The following ATG4A variants were observed in gnomAD, a reference collection of about 807,000 sequenced individuals.
The protein encoded by ATG4A is autophagy related 4A cysteine peptidase.
A neutral mutation model predicts 38.4 loss-of-function variants in ATG4A; 22 were observed. That is an observed-to-expected ratio of 0.57 (90% CI 0.41 to 0.82). The LOEUF (loss-of-function observed/expected upper bound fraction) is 0.82, where lower values mean the gene tolerates loss of function less well. Among genes scored for constraint, ATG4A ranks in the 40% least tolerant of loss-of-function variants. The probability of loss-of-function intolerance (pLI) is 0.00; values close to 1 mark genes in which losing one functional copy is unlikely to be tolerated. For missense variants in ATG4A, 220 were observed against 290.0 expected, an observed-to-expected ratio of 0.76 and a Z score of 1.75; for synonymous variants, 86 against 100.7, an observed-to-expected ratio of 0.85 and a Z score of 0.88.
chrX:108,094,367 C>T (rs896088300), intron 1 of ATG4A, among the ~76,000 whole-genome samples: 2 of 110,736 alleles, frequency 1.8e-5, no homozygotes, highest in Admixed American at 1.9e-4. Context: ...TATGTCACAA[C>T]TAATAAGCCC....
At chrX:108,131,519 A>G (rs927259963) in intron 4 of ATG4A, among the ~76,000 whole-genome samples, 161 bp downstream of exon 4, 3 of 112,182 alleles carry the variant, frequency 2.7e-5, no homozygotes, top group African/African-American at 9.7e-5. Flanking sequence ...CAAGTCAACA[A>G]AGCCCCTCAT....
chrX:108,095,865 C>T (rs2031802619), intron 1 of ATG4A, among the ~76,000 whole-genome samples: 1 of 110,122 alleles, frequency 9.1e-6, no homozygotes, highest in Non-Finnish European at 1.9e-5. Flanking sequence ...CATGTACCTC[C>T]GTGCCGGCTA....
intron 8 of ATG4A, 27 bp downstream of exon 8, chrX:108,138,018 T>C (rs1033606115): frequency 1.7e-6 from 2 of 1,200,790 alleles, no homozygotes; most frequent in Non-Finnish European, 1.1e-6. Flanking sequence ...CCTGAGCCCA[T>C]TGCTGCCTGC....
At chrX:108,144,530 C>A (rs1276791025) in intron 9 of ATG4A, among the ~76,000 whole-genome samples, 1 of 111,931 alleles carries the variant, frequency 8.9e-6, no homozygotes, top group African/African-American at 3.3e-5. Context: ...CCGTGTGTAA[C>A]CTCCATCCCT....
intron 9 of ATG4A, among the ~76,000 whole-genome samples, chrX:108,149,464 C>G: frequency 8.9e-6 from 1 of 112,858 alleles, no homozygotes; most frequent in Non-Finnish European, 1.9e-5. Flanking sequence ...TAGCTTATAT[C>G]TCTTGTGTCA....
At chrX:108,134,448 G>A (rs1442292103) in intron 6 of ATG4A, 37 bp downstream of exon 6, 2 of 1,144,696 alleles carry the variant, frequency 1.7e-6, no homozygotes, top group Non-Finnish European at 2.4e-6. Context: ...TTATTCTGCT[G>A]TCTCCTATGC....
chrX:108,094,383 G>C (rs1489979052), intron 1 of ATG4A, among the ~76,000 whole-genome samples: 1 of 109,948 alleles, frequency 9.1e-6, no homozygotes, highest in Non-Finnish European at 1.9e-5. Flanking sequence ...AGCCCACAGT[G>C]GTATATTGCT....
At chrX:108,110,201 C>CAAAAAA (rs35962236) in intron 1 of ATG4A, among the ~76,000 whole-genome samples, 2 of 51,583 alleles carry the variant, frequency 3.9e-5, no homozygotes, top group Non-Finnish European at 6.9e-5. Context: ...CCTGTCTCCA[C>CAAAAAA]AAAAAAAAAA....
chrX:108,097,785 C>A (rs1325945980), intron 1 of ATG4A, among the ~76,000 whole-genome samples: 1 of 111,936 alleles, frequency 8.9e-6, no homozygotes, highest in Non-Finnish European at 1.9e-5. Flanking sequence ...GGTTATCCAC[C>A]ATGAAACTTC....
At chrX:108,145,852 G>A (rs367670838) in intron 9 of ATG4A, among the ~76,000 whole-genome samples, 1 of 111,797 alleles carries the variant, frequency 8.9e-6, no homozygotes, top group East Asian at 2.8e-4. Context: ...AAATGACCAC[G>A]GGATGAGTCT....
intron 1 of ATG4A, among the ~76,000 whole-genome samples, chrX:108,115,118 CGTGTGTGTGTGTGTGTGTGTGTGT>C (rs748772447): frequency 1.1e-5 from 1 of 90,176 alleles, no homozygotes. Flanking sequence ...TGCATGTATG[CGTGTGTGTGTGTGTGTGTGTGTGT>C]GTGTGTGTGT....
chrX:108,130,884 A>C (rs994746419), intron 3 of ATG4A, among the ~76,000 whole-genome samples: 1 of 111,855 alleles, frequency 8.9e-6, no homozygotes, highest in Non-Finnish European at 1.9e-5. Context: ...AGGGCCATGC[A>C]AGTGAGCTAT....
At chrX:108,147,408 G>A (rs1402098356) in intron 9 of ATG4A, among the ~76,000 whole-genome samples, 1 of 111,503 alleles carries the variant, frequency 9.0e-6, no homozygotes, top group Non-Finnish European at 1.9e-5. Flanking sequence ...CAAGTTGCAG[G>A]GTCCCATTCT....
At chrX:108,110,150 A>T (rs1157097765) in intron 1 of ATG4A, among the ~76,000 whole-genome samples, 1 of 103,737 alleles carries the variant, frequency 9.6e-6, no homozygotes, top group Non-Finnish European at 2.0e-5. Context: ...GCGGGGGCGG[A>T]TCACAAGAGT....
At chrX:108,132,671 GT>G (rs1436038099) in intron 4 of ATG4A, among the ~76,000 whole-genome samples, 8 of 110,642 alleles carry the variant, frequency 7.2e-5, no homozygotes, top group Non-Finnish European at 1.1e-4. Flanking sequence ...TCCTTGTCCA[GT>G]GATTTCCCTT....
chrX:108,114,138 CTT>C (rs1165891424), intron 1 of ATG4A, among the ~76,000 whole-genome samples: 1 of 111,859 alleles, frequency 8.9e-6, no homozygotes, highest in African/African-American at 3.3e-5. Flanking sequence ...GATCCTGACT[CTT>C]TGTTGAAAGC....
chrX:108,140,550 T>TACACAC (rs763518934), intron 9 of ATG4A, among the ~76,000 whole-genome samples: 1 of 102,894 alleles, frequency 9.7e-6, no homozygotes, highest in African/African-American at 3.5e-5. Context: ...TACACATATA[T>TACACAC]ACACACACAC....
intron 9 of ATG4A, among the ~76,000 whole-genome samples, chrX:108,146,214 T>G (rs2033417585): frequency 8.9e-6 from 1 of 111,986 alleles, no homozygotes; most frequent in African/African-American, 3.2e-5. Flanking sequence ...GGAAATTGAT[T>G]GATGGGCTGT....
chrX:108,089,048 T>C (rs920684833), upstream of ATG4A, among the ~76,000 whole-genome samples: 4 of 112,456 alleles, frequency 3.6e-5, no homozygotes, highest in African/African-American at 9.7e-5. Context: ...ATGACATTGA[T>C]GAACATACGT....
Sources: gnomAD v4.1 joint callset for allele counts (sites outside exome capture counted in the v4.1 genomes callset) on GRCh38, gnomAD v4.1.1 for gene constraint, MANE v1.5 for transcripts, NCBI Gene and HGNC (gene_info 2026-07-23, HGNC 2026-07-21) for gene names.